The following NOX4 variants were observed in gnomAD, a reference collection of about 807,000 sequenced individuals.
The protein encoded by NOX4 is kidney oxidase-1.
NOX4 carries 69 observed loss-of-function variants against 87.6 expected under a neutral mutation model. The observed-to-expected ratio is 0.79, with a 90% CI of 0.65 to 0.96. The LOEUF (loss-of-function observed/expected upper bound fraction) is 0.96, where lower values mean the gene tolerates loss of function less well. Among genes scored for constraint, NOX4 ranks in the 40% least tolerant of loss-of-function variants. The pLI is 0.00. For synonymous variants in NOX4, 275 were observed against 238.2 expected, an observed-to-expected ratio of 1.15 and a Z score of -1.42; for missense variants, 680 against 681.5, an observed-to-expected ratio of 1.00 and a Z score of 0.02.
the NOX4 span, among the ~76,000 whole-genome samples, chr11:89,530,939 C>T: frequency 6.6e-6 from 1 of 152,234 alleles, no homozygotes; most frequent in East Asian, 1.9e-4. Context: ...AGATTTCCTC[C>T]TGAGTTATTG....
chr11:89,523,537 C>T, the NOX4 span, among the ~76,000 whole-genome samples: 2 of 152,164 alleles, frequency 1.3e-5, no homozygotes, highest in Non-Finnish European at 2.9e-5. Context: ...TGTTATTTAA[C>T]TGTTCATTAT....
intron 2 of NOX4, among the ~76,000 whole-genome samples, chr11:89,455,034 G>C (rs1375796397): frequency 2.0e-5 from 3 of 152,070 alleles, no homozygotes; most frequent in Non-Finnish European, 4.4e-5. Context: ...TGAGAGACAT[G>C]AGAAAAGCCT....
chr11:89,349,347 T>A (rs1028872859), intron 13 of NOX4, among the ~76,000 whole-genome samples: 4 of 151,924 alleles, frequency 2.6e-5, no homozygotes. Flanking sequence ...CAGGATCAGA[T>A]GACAAGTACA....
chr11:89,346,770 G>A (rs1267976525), intron 13 of NOX4, among the ~76,000 whole-genome samples: 1 of 152,136 alleles, frequency 6.6e-6, no homozygotes, highest in Non-Finnish European at 1.5e-5. Flanking sequence ...TTGCTCATTA[G>A]TCTTGCGCTA....
chr11:89,561,460 G>A, the NOX4 span, among the ~76,000 whole-genome samples: 2,157 of 152,112 alleles, frequency 0.014, 44 homozygotes, highest in African/African-American at 0.045. Context: ...ATCTTACAGC[G>A]CTGCTGTGAT....
At chr11:89,452,683 T>C (rs550844150) in intron 2 of NOX4, among the ~76,000 whole-genome samples, 206 of 152,224 alleles carry the variant, frequency 1.4e-3, no homozygotes, top group Non-Finnish European at 2.0e-3. Context: ...AAAACACTTA[T>C]CATTTCTTTG....
chr11:89,338,368 T>A (rs1945820993), intron 15 of NOX4, among the ~76,000 whole-genome samples: 1 of 152,116 alleles, frequency 6.6e-6, no homozygotes, highest in Non-Finnish European at 1.5e-5. Context: ...TATGTGTATA[T>A]CATAATTTGT....
chr11:89,570,577 A>G, the NOX4 span, among the ~76,000 whole-genome samples: 1 of 152,230 alleles, frequency 6.6e-6, no homozygotes, highest in African/African-American at 2.4e-5. Flanking sequence ...GCTTATGACT[A>G]ATCCCAACAC....
chr11:89,420,256 CAT>C (rs1322714469), intron 8 of NOX4, among the ~76,000 whole-genome samples: 4 of 152,100 alleles, frequency 2.6e-5, no homozygotes, highest in Non-Finnish European at 5.9e-5. Flanking sequence ...CATTTAATAA[CAT>C]AAAGTATGTG....
intron 7 of NOX4, among the ~76,000 whole-genome samples, chr11:89,430,010 T>A (rs1333410934): frequency 6.6e-6 from 1 of 152,204 alleles, no homozygotes; most frequent in Non-Finnish European, 1.5e-5. Flanking sequence ...TCCAACATGA[T>A]GAAGTGGGCT....
At chr11:89,576,994 G>A in the NOX4 span, 2 of 151,970 alleles carry the variant, frequency 1.3e-5, no homozygotes, top group Non-Finnish European at 2.9e-5. Context: ...AATGCCAGAG[G>A]CTGAGATGTC....
At chr11:89,393,433 C>A (rs1190038081) in intron 11 of NOX4, among the ~76,000 whole-genome samples, 2 of 150,296 alleles carry the variant, frequency 1.3e-5, no homozygotes, top group Non-Finnish European at 3.0e-5. Flanking sequence ...ATTGGGATCC[C>A]AAAGGAAAAA....
intron 2 of NOX4, among the ~76,000 whole-genome samples, chr11:89,475,605 A>G (rs1221226765): frequency 6.6e-6 from 1 of 152,124 alleles, no homozygotes; most frequent in Non-Finnish European, 1.5e-5. Flanking sequence ...AACTGAGGAT[A>G]TATTAACGTA....
the NOX4 span, among the ~76,000 whole-genome samples, chr11:89,553,573 T>C: frequency 6.6e-6 from 1 of 152,050 alleles, no homozygotes; most frequent in Non-Finnish European, 1.5e-5. Context: ...GATAAAATAA[T>C]CTCTCAATCT....
At chr11:89,426,338 C>T (rs896819696) in intron 7 of NOX4, among the ~76,000 whole-genome samples, 6 of 152,030 alleles carry the variant, frequency 3.9e-5, no homozygotes, top group Admixed American at 6.6e-5. Context: ...AACTGAGGTA[C>T]TGGGTTCATC....
intron 8 of NOX4, among the ~76,000 whole-genome samples, chr11:89,418,422 GAATAAT>G (rs113480992): frequency 0.022 from 3,024 of 139,728 alleles, 67 homozygotes; most frequent in African/African-American, 0.06. Flanking sequence ...TGAACATTGA[GAATAAT>G]AATAATAATA....
At chr11:89,460,573 G>T (rs570000989) in intron 2 of NOX4, among the ~76,000 whole-genome samples, 1 of 152,146 alleles carries the variant, frequency 6.6e-6, no homozygotes, top group African/African-American at 2.4e-5. Context: ...ATCATCACTG[G>T]CCATCAGAGA....
At chr11:89,490,241 T>G (rs1235000089) in intron 2 of NOX4, among the ~76,000 whole-genome samples, 2 of 152,224 alleles carry the variant, frequency 1.3e-5, no homozygotes, top group Non-Finnish European at 2.9e-5. Context: ...TCGTTTCACT[T>G]CAGCAGATAT....
chr11:89,512,220 G>A, the NOX4 span, among the ~76,000 whole-genome samples: 2 of 151,970 alleles, frequency 1.3e-5, no homozygotes. Context: ...CAAGGTAATA[G>A]ACATATCCAT....
Sources: allele counts gnomAD v4.1 joint callset (sites outside exome capture counted in the v4.1 genomes callset), GRCh38; gene constraint gnomAD v4.1.1; transcripts MANE v1.5; gene names NCBI Gene and HGNC (gene_info 2026-07-23, HGNC 2026-07-21).